The following RBFOX1 variants were observed in gnomAD, a reference collection of about 807,000 sequenced individuals.
RBFOX1 encodes RNA binding fox-1 homolog 1, also known as RNA binding protein fox-1 homolog 1.
A neutral mutation model predicts 57.7 loss-of-function variants in RBFOX1; 8 were observed. The observed-to-expected ratio is 0.14, with a 90% CI of 0.08 to 0.25. The LOEUF is 0.25. Among genes scored for constraint, RBFOX1 ranks in the 10% least tolerant of loss-of-function variants. The probability of loss-of-function intolerance (pLI) is 1.00; values close to 1 mark genes in which losing one functional copy is unlikely to be tolerated. For missense variants in RBFOX1, 611 were observed against 548.5 expected (o/e 1.11, Z -1.14); for synonymous variants, 326 against 222.4 (o/e 1.47, Z -4.15).
chr16:6,627,729 C>T (rs964789189), intron 2 of RBFOX1, among the ~76,000 whole-genome samples: 1 of 152,178 alleles, frequency 6.6e-6, no homozygotes, highest in Non-Finnish European at 1.5e-5. Context: ...GTCATCCCCC[C>T]TCTGAGGCCG....
At chr16:7,476,151 A>T (rs1189277796) in intron 4 of RBFOX1, among the ~76,000 whole-genome samples, 1 of 151,806 alleles carries the variant, frequency 6.6e-6, no homozygotes, top group East Asian at 1.9e-4. Context: ...GTTTTTGTAG[A>T]TACTAGAGAT....
chr16:5,983,927 C>CCCTCCTCCTCCCCCT (rs1567220197), intron 4 of RBFOX1, among the ~76,000 whole-genome samples: 1 of 143,200 alleles, frequency 7.0e-6, no homozygotes, highest in African/African-American at 2.6e-5. Context: ...CTCCTCCTCC[C>CCCTCCTCCTCCCCCT]CCTCCTCCTC....
At chr16:6,776,430 AAAACAAACAAAC>A (rs139990477) in intron 3 of RBFOX1, among the ~76,000 whole-genome samples, 2 of 150,968 alleles carry the variant, frequency 1.3e-5, no homozygotes, top group Non-Finnish European at 2.9e-5. Context: ...CAAAAAACAA[AAAACAAACAAAC>A]AAACAAAAAA....
intron 4 of RBFOX1, among the ~76,000 whole-genome samples, chr16:7,066,196 AG>A (rs1375049703): frequency 6.6e-6 from 1 of 152,214 alleles, no homozygotes; most frequent in Non-Finnish European, 1.5e-5. Context: ...TTAGAGAAAA[AG>A]GGAGGTTAAG....
chr16:7,298,710 C>A (rs2095958890), intron 4 of RBFOX1, among the ~76,000 whole-genome samples: 1 of 152,108 alleles, frequency 6.6e-6, no homozygotes. Context: ...TGTATTCCTA[C>A]AATAAACTAA....
At chr16:7,279,009 T>TA (rs919458187) in intron 4 of RBFOX1, among the ~76,000 whole-genome samples, 3 of 152,158 alleles carry the variant, frequency 2.0e-5, no homozygotes, top group African/African-American at 7.2e-5. Context: ...AGCTGGATTT[T>TA]AAAATCTAAA....
At chr16:5,764,495 A>G (rs1387157917) in intron 3 of RBFOX1, among the ~76,000 whole-genome samples, 1 of 152,206 alleles carries the variant, frequency 6.6e-6, no homozygotes, top group African/African-American at 2.4e-5. Flanking sequence ...ACCCAGGCTC[A>G]GGTGTTTCTT....
chr16:7,391,809 T>C (rs1251333582), intron 4 of RBFOX1, among the ~76,000 whole-genome samples: 2 of 151,818 alleles, frequency 1.3e-5, no homozygotes, highest in Non-Finnish European at 2.9e-5. Context: ...GGTGGATGGA[T>C]GGAGAAATGA....
At chr16:5,881,861 C>T (rs986733493) in intron 4 of RBFOX1, among the ~76,000 whole-genome samples, 2 of 152,114 alleles carry the variant, frequency 1.3e-5, no homozygotes, top group Non-Finnish European at 2.9e-5. Flanking sequence ...ACTTACTATG[C>T]ACCAGGCACT....
intron 4 of RBFOX1, among the ~76,000 whole-genome samples, chr16:5,919,596 G>A (rs1227289363): frequency 2.0e-5 from 3 of 152,012 alleles, no homozygotes; most frequent in African/African-American, 4.8e-5. Flanking sequence ...CGCATGCCTC[G>A]GCCTCCCAAA....
At chr16:7,435,563 A>G (rs754601007) in intron 4 of RBFOX1, among the ~76,000 whole-genome samples, 3 of 152,218 alleles carry the variant, frequency 2.0e-5, no homozygotes, top group Non-Finnish European at 2.9e-5. Flanking sequence ...AGCAGCATCT[A>G]CATCCATGAG....
At chr16:7,147,280 C>G (rs2075203071) in intron 4 of RBFOX1, among the ~76,000 whole-genome samples, 1 of 151,634 alleles carries the variant, frequency 6.6e-6, no homozygotes, top group South Asian at 2.1e-4. Context: ...GCTGGGATTA[C>G]AGGCATGAGC....
intron 4 of RBFOX1, among the ~76,000 whole-genome samples, chr16:7,439,309 C>T (rs908812711): frequency 2.0e-5 from 3 of 151,474 alleles, no homozygotes; most frequent in Non-Finnish European, 4.4e-5. Flanking sequence ...TCATGTCCCT[C>T]TTTTCATGGA....
intron 2 of RBFOX1, among the ~76,000 whole-genome samples, chr16:6,497,467 C>T (rs577818431): frequency 2.0e-5 from 3 of 152,052 alleles, no homozygotes; most frequent in Non-Finnish European, 4.4e-5. Flanking sequence ...TTGGTGTGAA[C>T]TCTAGAAGAA....
chr16:7,521,403 G>T (rs964977314), intron 5 of RBFOX1, among the ~76,000 whole-genome samples: 5 of 152,196 alleles, frequency 3.3e-5, no homozygotes, highest in Admixed American at 6.5e-5. Flanking sequence ...AGCCAGAAGA[G>T]TTATGAAATG....
chr16:5,789,559 C>T (rs1172782355), intron 3 of RBFOX1, among the ~76,000 whole-genome samples: 1 of 152,174 alleles, frequency 6.6e-6, no homozygotes, highest in Non-Finnish European at 1.5e-5. Context: ...ATCATCATCA[C>T]TAGTACTGGC....
intron 3 of RBFOX1, among the ~76,000 whole-genome samples, chr16:6,854,045 A>AGG (rs1430526562): frequency 1.1e-4 from 17 of 152,352 alleles, no homozygotes; most frequent in African/African-American, 4.1e-4. Flanking sequence ...TCAGGCAGTT[A>AGG]AGTCTTTGTT....
chr16:6,824,250 CA>C (rs1425425066), intron 3 of RBFOX1, among the ~76,000 whole-genome samples: 1 of 152,162 alleles, frequency 6.6e-6, no homozygotes, highest in Non-Finnish European at 1.5e-5. Flanking sequence ...ACTAAAAATA[CA>C]AAAATTAGCC....
chr16:7,262,631 C>T (rs973519321), intron 4 of RBFOX1, among the ~76,000 whole-genome samples: 2 of 152,242 alleles, frequency 1.3e-5, no homozygotes, highest in Non-Finnish European at 2.9e-5. Context: ...ATCTCTGCAG[C>T]TTTGATAGCT....
Sources: gnomAD v4.1 joint callset for allele counts (sites outside exome capture counted in the v4.1 genomes callset) on GRCh38, gnomAD v4.1.1 for gene constraint, MANE v1.5 for transcripts, NCBI Gene and HGNC (gene_info 2026-07-23, HGNC 2026-07-21) for gene names.